Variants in BACE1 observed in about 807,000 individuals in gnomAD.
BACE1 encodes APP beta-secretase.
BACE1 carries 21 observed loss-of-function variants against 54.0 expected under a neutral mutation model. The ratio of observed to expected loss-of-function variants is 0.39; its 90% CI spans 0.28 to 0.56. The LOEUF (loss-of-function observed/expected upper bound fraction) is 0.56, where lower values mean the gene tolerates loss of function less well. Among genes scored for constraint, BACE1 ranks in the 20% least tolerant of loss-of-function variants. The probability of loss-of-function intolerance (pLI) is 0.63; values close to 1 mark genes in which losing one functional copy is unlikely to be tolerated. For synonymous variants in BACE1, 232 were observed against 260.9 expected (o/e 0.89, Z 1.07); for missense variants, 511 against 661.2 (o/e 0.77, Z 2.49).
At chr11:117,296,205 C>T (rs2034594363) in intron 2 of BACE1, among the ~76,000 whole-genome samples, 1 of 152,108 alleles carries the variant, frequency 6.6e-6, no homozygotes, top group South Asian at 2.1e-4. Flanking sequence ...CCAGATTACC[C>T]CTCACTGCCT....
chr11:117,296,782 T>C, intron 2 of BACE1, 91 bp downstream of exon 2: 1 of 1,006,882 alleles, frequency 9.9e-7, no homozygotes, highest in East Asian at 2.5e-5. Context: ...AATCTGAGGA[T>C]CAACTCTTTC....
At chr11:117,312,885 G>A (rs1366758749) in intron 1 of BACE1, among the ~76,000 whole-genome samples, 12 of 152,180 alleles carry the variant, frequency 7.9e-5, no homozygotes, top group Non-Finnish European at 1.6e-4. Flanking sequence ...AGGGTTTGCC[G>A]ACCTCGCTTT....
intron 1 of BACE1, among the ~76,000 whole-genome samples, chr11:117,299,315 C>A (rs1319368265): frequency 6.6e-6 from 1 of 152,182 alleles, no homozygotes. Flanking sequence ...GCCTTCATTT[C>A]TGTATCTTCT....
Position 117,293,797 on chromosome 11 carries a change from T to C in BACE1, c.705+74A>G. 1 of 1,486,522 alleles carries C rather than the reference T, an allele frequency of 6.7e-7. No homozygotes were observed. Among genetic ancestry groups the C allele is most frequent in the Non-Finnish European group, 9.0e-7 (1 of 1,110,454 alleles). 92.1% of individuals were successfully genotyped at this position (1,486,522 alleles called of 1,614,324 possible). A position where few individuals can be genotyped will look rare whatever the true frequency, so the allele number is the denominator to read the frequency against. On this transcript the variant is annotated intron_variant, in intron 4 of 8. Coordinates refer to ENST00000313005, the MANE Select transcript of BACE1 (RefSeq NM_012104.6). This position sits in a 1 kb window ranked among gnomAD's most constrained non-coding sequence, Gnocchi z 4.1. ...ATCGGAGCCAAAACTGTGGTGTAGCTTTCAGGAAGGGGAGAGGATGGCACC... is the reference window on the plus strand; with the variant it reads ...ATCGGAGCCAAAACTGTGGTGTAGCCTTCAGGAAGGGGAGAGGATGGCACC...
At chr11:117,306,886 A>G (rs2034844163) in intron 1 of BACE1, among the ~76,000 whole-genome samples, 1 of 152,168 alleles carries the variant, frequency 6.6e-6, no homozygotes, top group South Asian at 2.1e-4. Flanking sequence ...CACCCAGCCT[A>G]CAGTGCGCAG....
intron 1 of BACE1, among the ~76,000 whole-genome samples, chr11:117,299,955 T>A (rs1449570423): frequency 6.6e-6 from 1 of 151,922 alleles, no homozygotes; most frequent in Non-Finnish European, 1.5e-5. Flanking sequence ...ATCCGGCAAG[T>A]TCTAAGCAAA....
At chr11:117,311,858 C>G (rs983214540) in intron 1 of BACE1, among the ~76,000 whole-genome samples, 4 of 152,122 alleles carry the variant, frequency 2.6e-5, no homozygotes, top group Admixed American at 1.3e-4. Flanking sequence ...CCAGGTTGGT[C>G]TCGAACTCCT....
At chr11:117,295,609 A>G in intron 2 of BACE1, 1 of 1,535,504 alleles carries the variant, frequency 6.5e-7, no homozygotes, top group Non-Finnish European at 8.7e-7. Flanking sequence ...AGGCCCTGTG[A>G]AGAACAAGCC....
At position 117,293,155 on chromosome 11, in the gene BACE1, C is replaced by G; in HGVS notation, c.739G>C (p.Gly247Arg). 6.2e-7 allele frequency: 1 copy of G among 1,614,038 alleles called. No individual in the cohort carries two copies. Among genetic ancestry groups the G allele is most frequent in the South Asian group, 1.1e-5 (1 of 91,048 alleles). Residue 247 changes from glycine (G) to arginine (R), a missense_variant, in exon 5 of 9, where the codon GGC becomes CGC. Gly to Arg is a moderately radical substitution (Grantham distance 125). Around this residue, in one of 2 missense-constraint regions of BACE1, gnomAD observed 407 missense variants for 565.7 expected, o/e 0.72. Transcript: ENST00000313005. This position sits in a 1 kb window ranked among gnomAD's most constrained non-coding sequence, Gnocchi z 4.1. The part of the protein sequence containing the change: ...IGGIDHSLYT[G>R]SLWYTPIRRE... ...CGGATGGGTGTATACCAGAGACTGCCTGTGTACAGCGAGTGGTCGATACCT... is the reference window on the plus strand; with the variant it reads ...CGGATGGGTGTATACCAGAGACTGCGTGTGTACAGCGAGTGGTCGATACCT...
rs1332270010 is a variant in BACE1 at position 117,288,244 on chromosome 11, G to A, written c.*1322C>T. On this transcript the variant is annotated 3_prime_UTR_variant, in exon 9 of 9. Transcript: ENST00000313005. ...CAGCCTTGATACTGAAGGCAGTAAT[G>A]TTAGAGCCATAAAGCACTGTATTTC... 1 of 152,230 alleles carries A rather than the reference G, an allele frequency of 6.6e-6. No homozygotes were observed. Among genetic ancestry groups the A allele is most frequent in the Non-Finnish European group, 1.5e-5 (1 of 68,024 alleles). 9.4% of individuals were successfully genotyped at this position (152,230 alleles called of 1,614,324 possible). A position where few individuals can be genotyped will look rare whatever the true frequency, so the allele number is the denominator to read the frequency against.
In BACE1 at chr11:117,295,404, A is replaced by G. The variant is rs186739036; in HGVS notation, c.351-57T>C. ...ATAACCACAACTGGTATAAGGATCT[A>G]AGTTAAACTTACTCCCAAACACCAC... On this transcript the variant is annotated intron_variant, in intron 2 of 8. Coordinates refer to ENST00000313005, the MANE Select transcript of BACE1 (RefSeq NM_012104.6). 4.0e-5 allele frequency: 63 copies of G among 1,590,066 alleles called. 1 individual carries two copies. The East Asian group carries it at 4.8e-4, about 12-fold the overall frequency.
chr11:117,313,015 C>A (rs1228441631), intron 1 of BACE1, among the ~76,000 whole-genome samples: 1 of 152,220 alleles, frequency 6.6e-6, no homozygotes, highest in African/African-American at 2.4e-5. Context: ...CCAGGCACCA[C>A]CAATTAATTG....
rs2035105032 is a variant in BACE1 at position 117,315,890 on chromosome 11, A to G, written c.-95T>C. The G allele has an allele frequency of 5.3e-6, 7 of 1,322,584 alleles. No homozygotes were observed. The South Asian group carries it at 1.1e-4, about 20-fold the overall frequency. The allele number at this position is 1,322,584 out of a possible 1,614,324, so 81.9% of individuals were successfully genotyped here. ...GTCTGGGTGGTGCTGGTGGCTTCTC[A>G]GGAGAGGGAGCTTGGGGGCATCAGG... On this transcript the variant is annotated 5_prime_UTR_variant, in exon 1 of 9. An upstream open reading frame in the 5' UTR loses its in-frame stop. Coordinates refer to ENST00000313005, the MANE Select transcript of BACE1 (RefSeq NM_012104.6). This position sits in a 1 kb window ranked among gnomAD's most constrained non-coding sequence, Gnocchi z 5.5.
At chr11:117,300,135 C>T (rs1423099903) in intron 1 of BACE1, among the ~76,000 whole-genome samples, 2 of 152,056 alleles carry the variant, frequency 1.3e-5, no homozygotes, top group Non-Finnish European at 2.9e-5. Context: ...CCAGCCCCAG[C>T]CTTTCCCCCT....
chr11:117,294,631 C>G (rs2034548920), intron 3 of BACE1, among the ~76,000 whole-genome samples: 1 of 151,468 alleles, frequency 6.6e-6, no homozygotes, highest in Non-Finnish European at 1.5e-5. Flanking sequence ...TGCCTGTAAT[C>G]CCAGCACTTA....
At chr11:117,301,137 C>G (rs2034716293) in intron 1 of BACE1, among the ~76,000 whole-genome samples, 1 of 152,198 alleles carries the variant, frequency 6.6e-6, no homozygotes, top group Non-Finnish European at 1.5e-5. Flanking sequence ...TCTCTGTCTC[C>G]TTGGCAGGCT....
chr11:117,295,072 C>G, intron 3 of BACE1, 59 bp downstream of exon 3: 1 of 1,484,212 alleles, frequency 6.7e-7, no homozygotes, highest in South Asian at 1.1e-5. Flanking sequence ...TCTCCTAATT[C>G]CTTCTCTGTA....
chr11:117,293,928 A>G lies in BACE1; in HGVS notation c.648T>C (p.Cys216=). 1 of 1,614,058 alleles carries G rather than the reference A, an allele frequency of 6.2e-7. No homozygotes were observed. Among genetic ancestry groups the G allele is most frequent in the Non-Finnish European group, 8.5e-7 (1 of 1,179,992 alleles). ...ACTGGTTGAGGGGGAAGCCAGCACC[A>G]CAAAGCTGCAGGGAGAAGAGGTTGG... ...HVPNLFSLQL[C]GAGFPLNQSE... is the part of the protein sequence containing the mutation. Residue 216 remains cysteine (C), a synonymous_variant, in exon 4 of 9, where the codon TGT becomes TGC. Transcript: ENST00000313005. The surrounding 1 kb of genome is among the most constrained non-coding windows in gnomAD (Gnocchi z 4.1).
chr11:117,298,199 G>A (rs374932103), intron 1 of BACE1, among the ~76,000 whole-genome samples: 3 of 152,134 alleles, frequency 2.0e-5, no homozygotes, highest in African/African-American at 7.2e-5. Flanking sequence ...CTACTTGGGA[G>A]GCTGAGGCAG....
Sources: gnomAD v4.1 joint callset for allele counts (sites outside exome capture counted in the v4.1 genomes callset) on GRCh38, gnomAD v4.1.1 for gene constraint, gnomAD v4.1.1 regional missense constraint, Gnocchi (gnomAD v3.1) non-coding constraint, MANE v1.5 for transcripts, NCBI Gene and HGNC (gene_info 2026-07-23, HGNC 2026-07-21) for gene names.